Variants in PRICKLE1 observed in about 807,000 individuals in gnomAD.
PRICKLE1 encodes the protein prickle-like protein 1.
In PRICKLE1, 14 loss-of-function variants were observed where a neutral mutation model predicts 70.2. That is an observed-to-expected ratio of 0.20 (90% CI 0.13 to 0.31). PRICKLE1 has a LOEUF of 0.31. PRICKLE1 is among the 10% of genes least tolerant of loss of function. The pLI, the probability that PRICKLE1 is intolerant of heterozygous loss-of-function variation, is 1.00. For missense variants in PRICKLE1, 821 were observed against 1,026.2 expected (o/e 0.80, Z 2.73); for synonymous variants, 357 against 379.9 (o/e 0.94, Z 0.70).
At chr12:42,492,594 T>C (rs12319444) in intron 1 of PRICKLE1, among the ~76,000 whole-genome samples, 5,709 of 152,314 alleles carry the variant, frequency 0.037, 360 homozygotes, top group African/African-American at 0.13. Context: ...TGTAGGAATT[T>C]AAAGGAGGTG....
chr12:42,536,324 C>T (rs1265799754), intron 1 of PRICKLE1, among the ~76,000 whole-genome samples: 1 of 152,128 alleles, frequency 6.6e-6, no homozygotes, highest in South Asian at 2.1e-4. Flanking sequence ...CAAAACAGGG[C>T]CAACATTAAA....
At chr12:42,499,146 G>A (rs1271248107) in intron 1 of PRICKLE1, among the ~76,000 whole-genome samples, 1 of 150,794 alleles carries the variant, frequency 6.6e-6, no homozygotes, top group East Asian at 1.9e-4. Flanking sequence ...GCTAGGCATT[G>A]TACTAAATCA....
chr12:42,482,396 T>C (rs1257040312), intron 1 of PRICKLE1, among the ~76,000 whole-genome samples: 2 of 152,250 alleles, frequency 1.3e-5, no homozygotes, highest in African/African-American at 4.8e-5. Flanking sequence ...GGTGCTCTAA[T>C]GAGCCCATTA....
At chr12:42,520,414 C>T (rs1193356869) in intron 1 of PRICKLE1, among the ~76,000 whole-genome samples, 2 of 152,164 alleles carry the variant, frequency 1.3e-5, no homozygotes, top group Admixed American at 6.5e-5. Context: ...CATTTACTAA[C>T]TTTGTGATTT....
chr12:42,544,134 A>G (rs1228439048), intron 1 of PRICKLE1, among the ~76,000 whole-genome samples: 1 of 152,164 alleles, frequency 6.6e-6, no homozygotes. Context: ...ATATAAATGG[A>G]CCTGCACTGT....
intron 1 of PRICKLE1, among the ~76,000 whole-genome samples, chr12:42,506,476 T>A (rs966388746): frequency 4.0e-5 from 6 of 151,460 alleles, no homozygotes; most frequent in Non-Finnish European, 8.8e-5. Flanking sequence ...AGTGTGGTCT[T>A]GAACTCCTGA....
intron 1 of PRICKLE1, among the ~76,000 whole-genome samples, chr12:42,508,040 G>A (rs1449609109): frequency 1.3e-5 from 2 of 152,126 alleles, no homozygotes; most frequent in Non-Finnish European, 2.9e-5. Flanking sequence ...AAGCAATAGT[G>A]AACATATATT....
chr12:42,503,305 T>C (rs1426822029), intron 1 of PRICKLE1, among the ~76,000 whole-genome samples: 1 of 152,088 alleles, frequency 6.6e-6, no homozygotes, highest in Non-Finnish European at 1.5e-5. Context: ...TTTGACAACA[T>C]TTCACACCTG....
At chr12:42,576,811 G>T (rs1341425802) in intron 1 of PRICKLE1, among the ~76,000 whole-genome samples, 1 of 152,074 alleles carries the variant, frequency 6.6e-6, no homozygotes, top group Non-Finnish European at 1.5e-5. Context: ...GAGGTCCTAA[G>T]GATTTGCTGA....
chr12:42,512,407 T>G (rs1354412357), intron 1 of PRICKLE1, among the ~76,000 whole-genome samples: 2 of 152,082 alleles, frequency 1.3e-5, no homozygotes, highest in Non-Finnish European at 2.9e-5. Context: ...CTGCTGACCT[T>G]AAAAGCGATC....
At chr12:42,473,477 G>C (rs1457479984) in intron 1 of PRICKLE1, among the ~76,000 whole-genome samples, 1 of 152,092 alleles carries the variant, frequency 6.6e-6, no homozygotes, top group Non-Finnish European at 1.5e-5. Context: ...CTAGAACCCA[G>C]GAACTTTGCT....
At position 42,472,328 on chromosome 12, in the gene PRICKLE1, A is replaced by G. The variant is rs73273986; in HGVS notation, c.132+57T>C. The G allele has an allele frequency of 8.3e-4, 1,330 of 1,594,790 alleles. 11 individuals are homozygous for G. The African/African-American group carries it at 0.015, about 18-fold the overall frequency. The stretch of plus-strand genomic sequence containing the variant: ...CTATCCATTTACAAAATAATGTTCT[A>G]AAGTCTGAACTCACACTGAAAAACA... On this transcript the variant is annotated intron_variant, in intron 2 of 7. Coordinates refer to ENST00000345127, the MANE Select transcript of PRICKLE1 (RefSeq NM_153026.3).
chr12:42,511,450 A>C (rs1305186572), intron 1 of PRICKLE1, among the ~76,000 whole-genome samples: 3 of 152,260 alleles, frequency 2.0e-5, no homozygotes, highest in Non-Finnish European at 4.4e-5. Context: ...GGATGCAAAG[A>C]GAAAGCCTCC....
intron 1 of PRICKLE1, among the ~76,000 whole-genome samples, chr12:42,571,696 T>C (rs1466856930): frequency 6.6e-6 from 1 of 152,220 alleles, no homozygotes; most frequent in African/African-American, 2.4e-5. Flanking sequence ...GGTACTGATA[T>C]TAACATACAG....
rs371991440 is a variant in PRICKLE1 at position 42,460,183 on chromosome 12, T to C, written c.2122A>G (p.Asn708Asp). ...TTATTCTGTATAAATTTCTCATAGT[T>C]ATCGGGGGTGTACAGCCGCAGTCTG... ...KDRLRLYTPD[N>D]YEKFIQNKSA... Residue 708 changes from asparagine to aspartate, a missense_variant, in exon 8 of 8, where the codon AAC (asparagine) becomes GAC (aspartate). Coordinates refer to ENST00000345127, the MANE Select transcript of PRICKLE1 (RefSeq NM_153026.3). The C allele has an allele frequency of 9.3e-6, 15 of 1,614,074 alleles. No homozygotes were observed. Among genetic ancestry groups the C allele is most frequent in the Non-Finnish European group, 1.3e-5 (15 of 1,180,028 alleles).
Position 42,535,333 on chromosome 12 carries a change from G to GATTTAGTCC in PRICKLE1, c.-49+54123_-49+54131dup, listed in dbSNP as rs1939998839. On this transcript the variant is annotated intron_variant, in intron 1 of 7. Coordinates refer to ENST00000345127, the MANE Select transcript of PRICKLE1 (RefSeq NM_153026.3). Reference sequence around the variant, plus strand: ...TATAGATTCCACCACGCTAGCACAAGATTTAGTCCTGGACTTTTCAACTGA... The same window carrying GATTTAGTCC: ...TATAGATTCCACCACGCTAGCACAAGATTTAGTCCATTTAGTCCTGGACTTTTCAACTGA... Among the ~76,000 whole-genome samples, 4 of 152,158 alleles carry GATTTAGTCC rather than the reference G, an allele frequency of 2.6e-5. No homozygotes were observed. In the South Asian group the frequency reaches 8.3e-4, roughly 32 times the overall value.
At chr12:42,482,704 A>T (rs1938839089) in intron 1 of PRICKLE1, 1 of 152,294 alleles carries the variant, frequency 6.6e-6, no homozygotes, top group Admixed American at 6.5e-5. Flanking sequence ...AGCCTGGCTT[A>T]TAAGGACACA....
At chr12:42,519,193 CTTTT>C (rs11342397) in intron 1 of PRICKLE1, among the ~76,000 whole-genome samples, 10 of 99,202 alleles carry the variant, frequency 1.0e-4, no homozygotes, top group East Asian at 9.7e-4. Flanking sequence ...CCTTTTTTTC[CTTTT>C]TTTTTTTTTT....
chr12:42,464,949 C>T lies in PRICKLE1; in HGVS notation c.1085G>A (p.Gly362Asp). The stretch of plus-strand genomic sequence containing the variant: ...GGTGTCATCAGCATTGCCTGAGAGG[C>T]CAGGAAACTTGTAGTTCAGAGCAGG... ...LSPALNYKFP[G>D]LSGNADDTLS... is the part of the protein sequence containing the mutation. Residue 362 changes from glycine to aspartate, a missense_variant, in exon 7 of 8, where the codon GGC (glycine) becomes GAC (aspartate). Gly to Asp is a moderately conservative substitution (Grantham distance 94). Transcript: ENST00000345127. This position sits in a 1 kb window ranked among gnomAD's most constrained non-coding sequence, Gnocchi z 4.2. The T allele has an allele frequency of 1.2e-6, 2 of 1,614,110 alleles. No individual in the cohort carries two copies. Among genetic ancestry groups the T allele is most frequent in the Non-Finnish European group, 1.7e-6 (2 of 1,180,032 alleles).
Sources: allele counts gnomAD v4.1 joint callset (sites outside exome capture counted in the v4.1 genomes callset), GRCh38; gene constraint gnomAD v4.1.1; non-coding constraint Gnocchi (gnomAD v3.1); transcripts MANE v1.5; gene names NCBI Gene and HGNC (gene_info 2026-07-23, HGNC 2026-07-21).